The following TPR variants were observed in gnomAD, a reference collection of about 807,000 sequenced individuals.
TPR encodes translocated promoter region, nuclear basket protein.
A neutral mutation model predicts 316.1 loss-of-function variants in TPR; 51 were observed. The observed-to-expected ratio is 0.16, with a 90% CI of 0.13 to 0.20. The LOEUF (loss-of-function observed/expected upper bound fraction) is 0.20, where lower values mean the gene tolerates loss of function less well. TPR is among the 10% of genes least tolerant of loss of function. The pLI is 1.00. For missense variants in TPR, 2,272 were observed against 2,754.8 expected (o/e 0.82, Z 3.92); for synonymous variants, 981 against 914.7 (o/e 1.07, Z -1.31).
intron 49 of TPR, among the ~76,000 whole-genome samples, 192 bp from the exon 50 acceptor site, chr1:186,314,916 C>T (rs948606711): frequency 1.3e-5 from 2 of 151,960 alleles, no homozygotes; most frequent in African/African-American, 4.8e-5. Context: ...ACAAAAAAAG[C>T]AGCACTTTGG....
In TPR at chr1:186,323,785, C is replaced by T. The variant is rs1657838503; in HGVS notation, c.6198G>A (p.Gln2066=). The change falls in exon 43 of 51, where the codon CAG becomes CAA. Residue 2066 remains glutamine, a synonymous_variant. Transcript: ENST00000367478. The part of the protein sequence containing the change: ...EQQPSSASER[Q]APRAPQSPRR... ...TCGGTGACTGAGGTGCTCGAGGGGCCTGTCTTTCAGATGCTGATGATGGCT... is the reference window on the plus strand; with the variant it reads ...TCGGTGACTGAGGTGCTCGAGGGGCTTGTCTTTCAGATGCTGATGATGGCT... 9.1e-6 allele frequency: 14 copies of T among 1,543,590 alleles called. No homozygotes were observed. Among genetic ancestry groups the T allele is most frequent in the Non-Finnish European group, 1.2e-5 (14 of 1,155,060 alleles).
chr1:186,369,972 T>C (rs1659473634), intron 3 of TPR, among the ~76,000 whole-genome samples: 1 of 152,164 alleles, frequency 6.6e-6, no homozygotes, highest in South Asian at 2.1e-4. Flanking sequence ...CCATAGTTTT[T>C]ACAAGATTTA....
chr1:186,373,913 G>A lies in TPR; in HGVS notation c.152-450C>T, dbSNP rs148698545. Reference sequence around the variant, plus strand: ...ACTAAATATATGTAAAAGTAAATGTGTAAACTTTCCAAGGGAAGGGATTGA... The same window carrying A: ...ACTAAATATATGTAAAAGTAAATGTATAAACTTTCCAAGGGAAGGGATTGA... On this transcript the variant is annotated intron_variant, in intron 1 of 50. Transcript: ENST00000367478. Among the ~76,000 whole-genome samples the A allele has an allele frequency of 5.1e-4, 77 of 152,296 alleles. 1 individual carries two copies. In the East Asian group the frequency reaches 0.014, roughly 27 times the overall value.
chr1:186,327,535 G>A lies in TPR; in HGVS notation c.5814C>T (p.Gly1938=), dbSNP rs1319049804. 6.2e-7 allele frequency: 1 copy of A among 1,610,838 alleles called. No homozygotes were observed. Among genetic ancestry groups the A allele is most frequent in the Admixed American group, 1.7e-5 (1 of 59,364 alleles). The change falls in exon 40 of 51, where the codon GGC becomes GGT. Residue 1938 remains glycine, a synonymous_variant. Coordinates refer to ENST00000367478, the MANE Select transcript of TPR (RefSeq NM_003292.3). Reference sequence around the variant, plus strand: ...CAATTACAATGACATCATCTCCTTTGCCTTGACCATCCTGGGATGAAGTTG... The same window carrying A: ...CAATTACAATGACATCATCTCCTTTACCTTGACCATCCTGGGATGAAGTTG... The part of the protein sequence containing the change: ...QTTTSSQDGQ[G]KGDDVIVIDS...
chr1:186,323,918 A>G (rs1485593308), intron 42 of TPR, 48 bp from the exon 43 acceptor site: 1 of 1,502,372 alleles, frequency 6.7e-7, no homozygotes, highest in East Asian at 2.6e-5. Flanking sequence ...TTTACCACAA[A>G]AAAACTTGGA....
chr1:186,371,608 T>C (rs920998244), intron 2 of TPR, among the ~76,000 whole-genome samples: 6 of 152,130 alleles, frequency 3.9e-5, no homozygotes, highest in African/African-American at 1.2e-4. Context: ...CTTCTAAACA[T>C]AGGCTAACTA....
chr1:186,347,220 A>T, intron 22 of TPR, 72 bp downstream of exon 22: 1 of 1,518,004 alleles, frequency 6.6e-7, no homozygotes, highest in Non-Finnish European at 9.0e-7. Context: ...TTAAAAAAGC[A>T]GTCCTCTAGT....
chr1:186,348,057 A>C (rs1487809862), intron 21 of TPR, among the ~76,000 whole-genome samples: 1 of 152,130 alleles, frequency 6.6e-6, no homozygotes, highest in African/African-American at 2.4e-5. Flanking sequence ...AGAACAGAAT[A>C]ATAGCAATTT....
intron 31 of TPR, 97 bp downstream of exon 31, chr1:186,337,936 G>T: frequency 1.0e-6 from 1 of 960,256 alleles, no homozygotes. Flanking sequence ...ACACGATTTC[G>T]GTATCTAAAA....
At chr1:186,367,865 G>A in intron 4 of TPR, 21 bp downstream of exon 4, 1 of 1,544,342 alleles carries the variant, frequency 6.5e-7, no homozygotes, top group Non-Finnish European at 8.9e-7. Flanking sequence ...GGAGCTAAAA[G>A]CTACAAGCAC....
At chr1:186,356,997 T>A (rs773982631) in intron 14 of TPR, among the ~76,000 whole-genome samples, 20 of 152,214 alleles carry the variant, frequency 1.3e-4, no homozygotes, top group Non-Finnish European at 1.6e-4. Flanking sequence ...TGCTCAATTC[T>A]TTCCTCCCTA....
chr1:186,343,180 A>G (rs1658561363), intron 27 of TPR, 146 bp downstream of exon 27: 5 of 1,059,280 alleles, frequency 4.7e-6, no homozygotes, highest in Non-Finnish European at 6.6e-6. Flanking sequence ...ATACTATATT[A>G]GTGTTTAACA....
intron 17 of TPR, among the ~76,000 whole-genome samples, chr1:186,355,150 C>T (rs928670539): frequency 2.6e-5 from 4 of 152,146 alleles, no homozygotes; most frequent in Non-Finnish European, 4.4e-5. Context: ...AATGACCCAC[C>T]TGCCTCGGCT....
At chr1:186,343,281 C>T (rs781368053) in intron 27 of TPR, 45 bp downstream of exon 27, 2 of 1,579,472 alleles carry the variant, frequency 1.3e-6, no homozygotes, top group Non-Finnish European at 1.7e-6. Flanking sequence ...ATGAGTGCTT[C>T]TCTTTTGATT....
Position 186,336,505 on chromosome 1 carries a change from G to A in TPR, c.4696C>T (p.His1566Tyr), listed in dbSNP as rs561569998. Residue 1566 changes from histidine to tyrosine, a missense_variant, in exon 33 of 51, where the codon CAC becomes TAC. Physicochemically the swap from His to Tyr is moderately conservative, Grantham distance 83. Around this residue, in one of 10 missense-constraint regions of TPR, gnomAD observed 109 missense variants for 215.3 expected, o/e 0.51. Coordinates refer to ENST00000367478, the MANE Select transcript of TPR (RefSeq NM_003292.3). ...AIVAAKSKIA[H>Y]LAGVKDQLTK... ...TTAAACAGATATTTACCAGCTAAGT[G>A]TGCAATTTTTGACTTTGCTGCTACA... 6.2e-7 allele frequency: 1 copy of A among 1,613,642 alleles called. No homozygotes were observed. Among genetic ancestry groups the A allele is most frequent in the South Asian group, 1.1e-5 (1 of 91,074 alleles).
chr1:186,350,676 A>G (rs1203765619), intron 20 of TPR, among the ~76,000 whole-genome samples: 2 of 152,208 alleles, frequency 1.3e-5, no homozygotes, highest in African/African-American at 2.4e-5. Flanking sequence ...AGACTCTCTG[A>G]ATTGAGAACA....
At chr1:186,322,612 A>G in intron 43 of TPR, 26 bp from the exon 44 acceptor site, 1 of 1,612,894 alleles carries the variant, frequency 6.2e-7, no homozygotes, top group Non-Finnish European at 8.5e-7. Context: ...AAGGAATTAC[A>G]TTTGCTTTAA....
At chr1:186,340,947 A>C in intron 29 of TPR, 81 bp downstream of exon 29, 1 of 1,525,240 alleles carries the variant, frequency 6.6e-7, no homozygotes, top group Non-Finnish European at 8.8e-7. Flanking sequence ...CTAGTTCCTC[A>C]AATATTTTTA....
chr1:186,358,770 C>A, intron 12 of TPR, 120 bp from the exon 13 acceptor site: 1 of 749,568 alleles, frequency 1.3e-6, no homozygotes, highest in East Asian at 3.0e-5. Flanking sequence ...TAAAATCCTA[C>A]ATAATATTGT....
Sources: allele counts gnomAD v4.1 joint callset (sites outside exome capture counted in the v4.1 genomes callset), GRCh38; gene constraint gnomAD v4.1.1; regional missense constraint gnomAD v4.1.1; transcripts MANE v1.5; gene names NCBI Gene and HGNC (gene_info 2026-07-23, HGNC 2026-07-21).